The following PACSIN2 variants were observed in gnomAD, a reference collection of about 807,000 sequenced individuals.
PACSIN2 encodes the protein protein kinase C and casein kinase substrate in neurons 2.
Under a neutral mutation model 63.8 loss-of-function variants are expected in PACSIN2, and 25 were observed. The ratio of observed to expected loss-of-function variants is 0.39; its 90% CI spans 0.29 to 0.55. The LOEUF (loss-of-function observed/expected upper bound fraction) is 0.55, where lower values mean the gene tolerates loss of function less well. Ranked by LOEUF, PACSIN2 falls within the 20% of genes least tolerant of loss-of-function variation. The pLI is 0.62. For synonymous variants in PACSIN2, 255 were observed against 256.2 expected, an observed-to-expected ratio of 1.00 and a Z score of 0.05; for missense variants, 518 against 646.9, an observed-to-expected ratio of 0.80 and a Z score of 2.16.
At chr22:42,976,780 C>T (rs1172165561) in intron 1 of PACSIN2, among the ~76,000 whole-genome samples, 2 of 152,176 alleles carry the variant, frequency 1.3e-5, no homozygotes, top group Non-Finnish European at 2.9e-5. Context: ...TCCATCAACC[C>T]TATACAGCAG....
intron 1 of PACSIN2, among the ~76,000 whole-genome samples, chr22:42,983,331 A>G (rs564867237): frequency 3.3e-5 from 5 of 150,496 alleles, no homozygotes; most frequent in South Asian, 2.1e-4. Context: ...AAAAAAAAAA[A>G]AAAAAGAAAC....
In PACSIN2 at chr22:42,971,520, T is replaced by C. The variant is rs1274834876; in HGVS notation, c.-78+43501A>G. 2.0e-5 allele frequency among the ~76,000 whole-genome samples: 3 copies of C among 151,892 alleles called. No individual in the cohort carries two copies. The East Asian group carries it at 5.8e-4, about 29-fold the overall frequency. ...CCCGGCCGCCACCCCATCTGGGAAG[T>C]GAGGAGCGTCTCTGCCTGGCAGCCC... On this transcript the variant is annotated intron_variant, in intron 1 of 10. Transcript: ENST00000263246.
chr22:42,995,250 A>G (rs888025565), intron 1 of PACSIN2, among the ~76,000 whole-genome samples: 3 of 152,242 alleles, frequency 2.0e-5, no homozygotes, highest in Non-Finnish European at 2.9e-5. Context: ...CCAGAGGAGG[A>G]GCTCTGCTTC....
At chr22:43,005,036 CA>C (rs1236007780) in intron 1 of PACSIN2, among the ~76,000 whole-genome samples, 1 of 152,236 alleles carries the variant, frequency 6.6e-6, no homozygotes, top group Non-Finnish European at 1.5e-5. Context: ...ATTTTAATTA[CA>C]AAGTTATTAC....
At chr22:42,988,883 G>T (rs1048061312) in intron 1 of PACSIN2, among the ~76,000 whole-genome samples, 3 of 92,134 alleles carry the variant, frequency 3.3e-5, no homozygotes, top group Non-Finnish European at 6.3e-5. Flanking sequence ...GGTGGTCAAA[G>T]AAATTTTTTT....
intron 5 of PACSIN2, 39 bp downstream of exon 5, chr22:42,888,604 C>G (rs375629150): frequency 1.2e-6 from 2 of 1,601,498 alleles, no homozygotes; most frequent in African/African-American, 2.7e-5. Flanking sequence ...ACAACTGACA[C>G]GGTGACACTC....
intron 1 of PACSIN2, among the ~76,000 whole-genome samples, chr22:43,007,678 C>T (rs1924183272): frequency 6.6e-6 from 1 of 152,192 alleles, no homozygotes; most frequent in Non-Finnish European, 1.5e-5. Flanking sequence ...CCTCCTCTGT[C>T]GTGCAGTACT....
intron 1 of PACSIN2, among the ~76,000 whole-genome samples, chr22:42,987,449 A>AACACACACAC (rs745523623): frequency 3.8e-4 from 33 of 87,086 alleles, no homozygotes; most frequent in African/African-American, 9.3e-4. Flanking sequence ...GTCCAGGAGC[A>AACACACACAC]ACACACACAC....
chr22:42,966,754 ATGG>A (rs1446969778), intron 1 of PACSIN2, among the ~76,000 whole-genome samples: 1 of 152,234 alleles, frequency 6.6e-6, no homozygotes, highest in African/African-American at 2.4e-5. Context: ...ACGCAGCCTC[ATGG>A]TCCTGGCAAC....
intron 1 of PACSIN2, among the ~76,000 whole-genome samples, chr22:42,983,826 C>T (rs192530008): frequency 6.6e-6 from 1 of 152,210 alleles, no homozygotes; most frequent in Non-Finnish European, 1.5e-5. Context: ...CTTCAGTTAA[C>T]TGACTGGTGG....
chr22:42,968,001 G>C (rs1160422871), intron 1 of PACSIN2, among the ~76,000 whole-genome samples: 1 of 152,190 alleles, frequency 6.6e-6, no homozygotes, highest in African/African-American at 2.4e-5. Flanking sequence ...GATATACTCA[G>C]GATATACACT....
At chr22:42,936,917 A>AGG (rs34212391) in intron 1 of PACSIN2, among the ~76,000 whole-genome samples, 78 of 117,126 alleles carry the variant, frequency 6.7e-4, no homozygotes, top group African/African-American at 1.0e-3. Context: ...CCTCAAAAAA[A>AGG]GGGGGGGGGG....
chr22:42,976,485 T>C (rs1921715187), intron 1 of PACSIN2, among the ~76,000 whole-genome samples: 1 of 149,278 alleles, frequency 6.7e-6, no homozygotes. Flanking sequence ...CAGTGCTAAA[T>C]GCAGGCCTCC....
chr22:42,876,045 A>T (rs569904766), intron 10 of PACSIN2, 92 bp downstream of exon 10: 1 of 1,115,258 alleles, frequency 9.0e-7, no homozygotes, highest in Admixed American at 2.4e-5. Context: ...GAAACTAGCA[A>T]GAACTTTTCC....
intron 1 of PACSIN2, among the ~76,000 whole-genome samples, chr22:42,978,466 C>T (rs915562731): frequency 2.6e-5 from 4 of 152,206 alleles, no homozygotes; most frequent in Non-Finnish European, 4.4e-5. Context: ...GCCCACACTG[C>T]GTTGGTGGCA....
At chr22:42,996,531 C>CAAA (rs140591355) in intron 1 of PACSIN2, among the ~76,000 whole-genome samples, 1 of 106,352 alleles carries the variant, frequency 9.4e-6, no homozygotes. Flanking sequence ...GACTCTGCCG[C>CAAA]AAAAAAAAAA....
chr22:42,878,012 G>C (rs563808585), intron 8 of PACSIN2, among the ~76,000 whole-genome samples: 279 of 152,326 alleles, frequency 1.8e-3, no homozygotes, highest in African/African-American at 6.2e-3. Context: ...AGTGGTACTT[G>C]ACCTAGGCCT....
intron 1 of PACSIN2, among the ~76,000 whole-genome samples, chr22:42,936,009 C>T (rs1409967799): frequency 2.6e-5 from 4 of 151,946 alleles, no homozygotes; most frequent in South Asian, 2.1e-4. Context: ...GTCAGGAGAT[C>T]GAGACCATCC....
intron 1 of PACSIN2, among the ~76,000 whole-genome samples, chr22:43,010,276 C>T (rs1924377667): frequency 6.6e-6 from 1 of 151,382 alleles, no homozygotes; most frequent in Admixed American, 6.6e-5. Flanking sequence ...TGGTAGCTCA[C>T]ACCTGTAATC....
Sources: gnomAD v4.1 joint callset for allele counts (sites outside exome capture counted in the v4.1 genomes callset) on GRCh38, gnomAD v4.1.1 for gene constraint, MANE v1.5 for transcripts, NCBI Gene and HGNC (gene_info 2026-07-23, HGNC 2026-07-21) for gene names.